The following ANKRD28 variants were observed in gnomAD, a reference collection of about 807,000 sequenced individuals.
The protein encoded by ANKRD28 is serine/threonine-protein phosphatase 6 regulatory ankyrin repeat subunit A.
In ANKRD28, 44 loss-of-function variants were observed where a neutral mutation model predicts 126.5. The observed-to-expected ratio is 0.35, with a 90% confidence interval of 0.27 to 0.45. The LOEUF (loss-of-function observed/expected upper bound fraction) is 0.45, where lower values mean the gene tolerates loss of function less well. ANKRD28 is among the 20% of genes least tolerant of loss of function. The pLI is 1.00. For missense variants in ANKRD28, 1,110 were observed against 1,316.6 expected (o/e 0.84, Z 2.43); for synonymous variants, 442 against 468.5 (o/e 0.94, Z 0.73).
rs2060842627 is a variant in ANKRD28, at chr3:15,816,897, A to C, written c.28-21591T>G. 6.6e-6 allele frequency among the ~76,000 whole-genome samples: 1 copy of C among 152,182 alleles called. No homozygotes were observed. Among genetic ancestry groups the C allele is most frequent in the Non-Finnish European group, 1.5e-5 (1 of 68,030 alleles). ...AAAACACATCTGAAAACCCATCTCT[A>C]TTAAAAAAGAGGAGGGAGGTAGCCA... On this transcript the variant is annotated intron_variant, in intron 1 of 27. Transcript: ENST00000399451. This position sits in a 1 kb window ranked among gnomAD's most constrained non-coding sequence, Gnocchi z 5.0.
intron 2 of ANKRD28, among the ~76,000 whole-genome samples, chr3:15,772,737 C>T (rs1416547003): frequency 2.0e-5 from 3 of 152,076 alleles, no homozygotes; most frequent in Admixed American, 6.5e-5. Flanking sequence ...CCCAGGCTAG[C>T]GTGCAGTGGC....
intron 14 of ANKRD28, among the ~76,000 whole-genome samples, chr3:15,703,781 CG>C (rs1220767565): frequency 6.6e-6 from 1 of 151,970 alleles, no homozygotes; most frequent in African/African-American, 2.4e-5. Flanking sequence ...GGATAGAGGA[CG>C]GAAGAGTTAT....
intron 2 of ANKRD28, among the ~76,000 whole-genome samples, chr3:15,782,933 T>A (rs1017481862): frequency 1.3e-5 from 2 of 152,104 alleles, no homozygotes; most frequent in East Asian, 1.9e-4. Context: ...CTTTCCTTTT[T>A]GGAAGAAAAT....
intron 2 of ANKRD28, among the ~76,000 whole-genome samples, chr3:15,775,333 C>T (rs1343376909): frequency 6.6e-6 from 1 of 152,244 alleles, no homozygotes; most frequent in Non-Finnish European, 1.5e-5. Context: ...TACTCACACA[C>T]CACTCAATAC....
intron 4 of ANKRD28, among the ~76,000 whole-genome samples, chr3:15,744,155 T>G (rs1292495382): frequency 2.6e-5 from 4 of 152,228 alleles, no homozygotes; most frequent in African/African-American, 9.6e-5. Context: ...GACTAGGTTT[T>G]CTAGCAGTTT....
intron 8 of ANKRD28, among the ~76,000 whole-genome samples, chr3:15,719,916 G>A (rs1018871247): frequency 2.0e-5 from 3 of 152,078 alleles, no homozygotes; most frequent in South Asian, 2.1e-4. Flanking sequence ...TGTCACCCAG[G>A]CTGGAGGGCA....
chr3:15,811,703 T>C (rs892053097), intron 1 of ANKRD28, among the ~76,000 whole-genome samples: 25 of 151,864 alleles, frequency 1.6e-4, no homozygotes, highest in African/African-American at 6.0e-4. Context: ...TCCGCCCACC[T>C]TGGCCTCCCA....
At chr3:15,832,989 T>C (rs2061238324) in intron 1 of ANKRD28, among the ~76,000 whole-genome samples, 2 of 152,234 alleles carry the variant, frequency 1.3e-5, no homozygotes, top group African/African-American at 2.4e-5. Flanking sequence ...TTTTAGTTCT[T>C]TGAGAAATCT....
chr3:15,760,939 G>C (rs1024998145), intron 3 of ANKRD28, among the ~76,000 whole-genome samples: 1 of 152,070 alleles, frequency 6.6e-6, no homozygotes, highest in Non-Finnish European at 1.5e-5. Context: ...ACCAATTGGA[G>C]AAAATATAAA....
In ANKRD28 at chr3:15,712,125, A is replaced by C. The variant is rs1338739112; in HGVS notation, c.1273+15T>G. 7 of 1,560,178 alleles carry C rather than the reference A, an allele frequency of 4.5e-6. No homozygotes were observed. The highest frequency in any genetic ancestry group is 6.1e-6 in the Non-Finnish European group (7 of 1,150,830). ...TTTGAGGAGACATACAAAAGGCTGC[A>C]AAGGTTACACTTACCTGAAGAAAGA... On this transcript the variant is annotated intron_variant, in intron 11 of 27. Transcript: ENST00000683139.
chr3:15,752,948 C>A (rs1268047762), intron 3 of ANKRD28, among the ~76,000 whole-genome samples: 3 of 152,016 alleles, frequency 2.0e-5, no homozygotes, highest in African/African-American at 4.8e-5. Context: ...GTGCCTAGTA[C>A]ATAATAGCAA....
chr3:15,855,110 A>G (rs1049111758), intron 1 of ANKRD28, among the ~76,000 whole-genome samples: 1 of 152,176 alleles, frequency 6.6e-6, no homozygotes, highest in South Asian at 2.1e-4. Context: ...GTACCTGAAT[A>G]TCTGGGCATC....
At chr3:15,837,242 T>C (rs920991392) in intron 1 of ANKRD28, among the ~76,000 whole-genome samples, 10 of 151,468 alleles carry the variant, frequency 6.6e-5, no homozygotes, top group Admixed American at 2.6e-4. Flanking sequence ...ACCCTAACAA[T>C]AAATAAACAA....
chr3:15,747,908 T>C (rs1037360577), intron 4 of ANKRD28, among the ~76,000 whole-genome samples: 2 of 152,206 alleles, frequency 1.3e-5, no homozygotes, highest in Non-Finnish European at 2.9e-5. Context: ...ATTGTGACAT[T>C]TTCCTGTTGG....
At chr3:15,784,312 C>A (rs923759131) in intron 2 of ANKRD28, among the ~76,000 whole-genome samples, 2 of 151,974 alleles carry the variant, frequency 1.3e-5, no homozygotes, top group African/African-American at 2.4e-5. Flanking sequence ...CAAATGCTCA[C>A]ATATATGTGC....
At chr3:15,757,752 GTCAC>G (rs2058243196) in intron 3 of ANKRD28, among the ~76,000 whole-genome samples, 1 of 152,152 alleles carries the variant, frequency 6.6e-6, no homozygotes, top group African/African-American at 2.4e-5. Flanking sequence ...AAATTTTTAA[GTCAC>G]TCAGTCTGTG....
chr3:15,765,266 T>C (rs532447423), intron 3 of ANKRD28, among the ~76,000 whole-genome samples: 1 of 152,314 alleles, frequency 6.6e-6, no homozygotes, highest in African/African-American at 2.4e-5. Flanking sequence ...TAGACAGTTC[T>C]AGTATTACTT....
chr3:15,841,483 T>C (rs547034935), intron 1 of ANKRD28, among the ~76,000 whole-genome samples: 9 of 151,718 alleles, frequency 5.9e-5, no homozygotes, highest in Middle Eastern at 3.4e-3. Context: ...ATCAACAAAG[T>C]GAAGAGACAA....
upstream of ANKRD28, among the ~76,000 whole-genome samples, chr3:15,798,724 A>C (rs531501061): frequency 6.6e-5 from 10 of 152,198 alleles, no homozygotes; most frequent in East Asian, 1.9e-3. Context: ...CCTCCCTATA[A>C]ATTTCCCAAA....
Sources: gnomAD v4.1 joint callset for allele counts (sites outside exome capture counted in the v4.1 genomes callset) on GRCh38, gnomAD v4.1.1 for gene constraint, Gnocchi (gnomAD v3.1) non-coding constraint, MANE v1.5 for transcripts, NCBI Gene and HGNC (gene_info 2026-07-23, HGNC 2026-07-21) for gene names.